ABHD3: variants seen among roughly 807,000 people sequenced by gnomAD.
ABHD3 encodes the protein abhydrolase domain containing 3, phospholipase.
A neutral mutation model predicts 48.8 loss-of-function variants in ABHD3; 46 were observed. The ratio of observed to expected loss-of-function variants is 0.94; its 90% CI spans 0.74 to 1.20. ABHD3 has a LOEUF of 1.20. Ranked by LOEUF, ABHD3 falls within the 50% of genes most tolerant of loss-of-function variation. The pLI is 0.00. For missense variants in ABHD3, 490 were observed against 497.8 expected (o/e 0.98, Z 0.15); for synonymous variants, 192 against 183.7 (o/e 1.04, Z -0.36).
At chr18:21,676,943 A>G (rs2039896918) in intron 4 of ABHD3, among the ~76,000 whole-genome samples, 1 of 152,104 alleles carries the variant, frequency 6.6e-6, no homozygotes, top group African/African-American at 2.4e-5. Flanking sequence ...ATTCATGTAG[A>G]AGTCAATGGT....
At chr18:21,691,238 T>C (rs2040245900) in intron 3 of ABHD3, among the ~76,000 whole-genome samples, 2 of 152,270 alleles carry the variant, frequency 1.3e-5, no homozygotes, top group Middle Eastern at 3.4e-3. Context: ...CTAACAATCT[T>C]AAATGTGTAT....
chr18:21,686,778 C>A (rs1284829969), intron 3 of ABHD3, among the ~76,000 whole-genome samples: 1 of 152,198 alleles, frequency 6.6e-6, no homozygotes, highest in African/African-American at 2.4e-5. Context: ...CCTGCCCTTT[C>A]TCCCACTCCA....
At chr18:21,704,318 C>T (rs1304525205) in intron 1 of ABHD3, among the ~76,000 whole-genome samples, 186 bp downstream of exon 1, 1 of 152,132 alleles carries the variant, frequency 6.6e-6, no homozygotes, top group Non-Finnish European at 1.5e-5. Context: ...GGCCGGGACC[C>T]CCAGGGGGCG....
intron 5 of ABHD3, among the ~76,000 whole-genome samples, chr18:21,660,183 ATGTT>A (rs2039459497): frequency 7.0e-6 from 1 of 143,302 alleles, no homozygotes; most frequent in African/African-American, 2.6e-5. Flanking sequence ...AGGTCTCACT[ATGTT>A]GCTCAGGCTG....
intron 2 of ABHD3, among the ~76,000 whole-genome samples, chr18:21,703,263 T>G (rs1478468409): frequency 8.7e-6 from 1 of 115,338 alleles, no homozygotes; most frequent in African/African-American, 3.3e-5. Flanking sequence ...TGAATGCAGA[T>G]CATCAAAAGA....
At chr18:21,677,530 A>G (rs1007958513) in intron 4 of ABHD3, among the ~76,000 whole-genome samples, 1 of 151,932 alleles carries the variant, frequency 6.6e-6, no homozygotes, top group African/African-American at 2.4e-5. Flanking sequence ...TTAATGTGGA[A>G]TAGTATTCCA....
Position 21,704,522 on chromosome 18 carries a change from G to A in ABHD3, c.144C>T (p.Tyr48=), listed in dbSNP as rs965046405. 1.1e-5 allele frequency: 16 copies of A among 1,494,708 alleles called. No homozygotes were observed. The highest frequency in any genetic ancestry group is 1.4e-5 in the Non-Finnish European group (16 of 1,120,068). The allele number at this position is 1,494,708 out of a possible 1,614,324, so 92.6% of individuals were successfully genotyped here. Residue 48 remains tyrosine (Y), a synonymous_variant, in exon 1 of 9, where the codon TAC becomes TAT. Transcript: ENST00000289119. ...LGFSVAYAFY[Y]LSSIAKKPQL... ...GGCTCACCTTGGCAATGCTGCTCAG[G>A]TAGTAGAAGGCATAAGCGACGCTGA...
intron 3 of ABHD3, among the ~76,000 whole-genome samples, chr18:21,695,106 C>A (rs1184802473): frequency 6.6e-6 from 1 of 152,100 alleles, no homozygotes. Context: ...AATCTCAACT[C>A]ACTGCAACCT....
intron 4 of ABHD3, among the ~76,000 whole-genome samples, chr18:21,679,120 T>C (rs1271283175): frequency 6.6e-6 from 1 of 152,238 alleles, no homozygotes; most frequent in Non-Finnish European, 1.5e-5. Context: ...TCATCTTTTG[T>C]TCTTTTTTAT....
chr18:21,652,609 T>C (rs556034088), intron 8 of ABHD3, among the ~76,000 whole-genome samples: 4 of 151,602 alleles, frequency 2.6e-5, no homozygotes, highest in African/African-American at 9.7e-5. Flanking sequence ...ACCACGTCTC[T>C]ACTAAAAATA....
chr18:21,680,882 A>G (rs35615892), intron 4 of ABHD3, among the ~76,000 whole-genome samples: 29,222 of 112,300 alleles, frequency 0.26, 3,312 homozygotes, highest in Middle Eastern at 0.35. Context: ...GTGTGTGTGT[A>G]TATATATATA....
At chr18:21,693,075 C>A (rs72886613) in intron 3 of ABHD3, among the ~76,000 whole-genome samples, 5,507 of 152,246 alleles carry the variant, frequency 0.036, 115 homozygotes, top group Middle Eastern at 0.099. Context: ...TGTCTCTGGG[C>A]TCTCTTGGAG....
intron 4 of ABHD3, among the ~76,000 whole-genome samples, chr18:21,665,510 ATTAT>A (rs2039601599): frequency 6.6e-6 from 1 of 151,974 alleles, no homozygotes; most frequent in Admixed American, 6.6e-5. Flanking sequence ...AAGTAAAATC[ATTAT>A]TTATTAAAAA....
At chr18:21,664,063 C>G in intron 5 of ABHD3, 55 bp downstream of exon 5, 5 of 1,553,954 alleles carry the variant, frequency 3.2e-6, no homozygotes, top group Non-Finnish European at 4.3e-6. Context: ...CTCAAAGAGA[C>G]AGCCAATAAA....
At position 21,702,302 on chromosome 18, in the gene ABHD3, T is replaced by C. The variant is rs754796469; in HGVS notation, c.509+14A>G. On this transcript the variant is annotated intron_variant, in intron 3 of 8. Coordinates refer to ENST00000289119, the MANE Select transcript of ABHD3 (RefSeq NM_138340.5). ...AATGGATCAAGTGAAAAAAAAGAAA[T>C]CTTTTACTGGTACCTGTATCCTAAT... The C allele has an allele frequency of 6.5e-6, 10 of 1,548,522 alleles. No individual in the cohort carries two copies. Among genetic ancestry groups the C allele is most frequent in the Non-Finnish European group, 7.0e-6 (8 of 1,143,970 alleles).
At position 21,703,918 on chromosome 18, in the gene ABHD3, G is replaced by A. The variant is rs78592569; in HGVS notation, c.163-171C>T. On this transcript the variant is annotated intron_variant, in intron 1 of 8. Coordinates refer to ENST00000289119, the MANE Select transcript of ABHD3 (RefSeq NM_138340.5). ...CACAGAGGACTGAAACGGGGGTTTC[G>A]CCAATGCCCCGAGGGGAAGGCGAGA... is the stretch of plus-strand genomic sequence containing the variant. 639 of 642,246 alleles carry A rather than the reference G, an allele frequency of 9.9e-4. 4 individuals are homozygous for A. In the African/African-American group the frequency reaches 0.011, roughly 11 times the overall value. The allele number at this position is 642,246 out of a possible 1,614,324, so 39.8% of individuals were successfully genotyped here.
chr18:21,701,701 C>T (rs777775945), intron 3 of ABHD3: 1 of 151,910 alleles, frequency 6.6e-6, no homozygotes, highest in Non-Finnish European at 1.5e-5. Flanking sequence ...GAACTTGAAA[C>T]TCAAAGTTGC....
rs1018051890 is a variant in ABHD3, at chr18:21,677,245, C to A, written c.555+6675G>T. Among the ~76,000 whole-genome samples the A allele has an allele frequency of 2.1e-3, 312 of 152,042 alleles. 1 individual carries two copies. Among genetic ancestry groups the A allele is most frequent in the African/African-American group, 6.7e-3 (280 of 41,496 alleles). On this transcript the variant is annotated intron_variant, in intron 4 of 8. Transcript: ENST00000289119. ...AGTCTCGCTCTGTTGCCCAGGCTGG[C>A]GTGCAGTGGCACAATCTTGGCTCAC... is the stretch of plus-strand genomic sequence containing the variant.
At chr18:21,666,843 G>A (rs2039643410) in intron 4 of ABHD3, among the ~76,000 whole-genome samples, 1 of 152,024 alleles carries the variant, frequency 6.6e-6, no homozygotes, top group Admixed American at 6.6e-5. Context: ...GGAGGAGGGG[G>A]CAATCCTCTC....
Sources: gnomAD v4.1 joint callset for allele counts (sites outside exome capture counted in the v4.1 genomes callset) on GRCh38, gnomAD v4.1.1 for gene constraint, MANE v1.5 for transcripts, NCBI Gene and HGNC (gene_info 2026-07-23, HGNC 2026-07-21) for gene names.